GOLT1B: variants seen among roughly 807,000 people sequenced by gnomAD.
GOLT1B encodes the protein vesicle transport protein GOT1B.
In GOLT1B, 3 loss-of-function variants were observed where a neutral mutation model predicts 15.4. The ratio of observed to expected loss-of-function variants is 0.19; its 90% CI spans 0.09 to 0.50. The LOEUF is 0.50. Among genes scored for constraint, GOLT1B ranks in the 20% least tolerant of loss-of-function variants. The probability of loss-of-function intolerance (pLI) is 0.97; values close to 1 mark genes in which losing one functional copy is unlikely to be tolerated. For synonymous variants in GOLT1B, 65 were observed against 56.2 expected (o/e 1.16, Z -0.70); for missense variants, 145 against 160.4 (o/e 0.90, Z 0.52).
intron 3 of GOLT1B, among the ~76,000 whole-genome samples, chr12:21,510,741 C>A (rs1943713564): frequency 6.6e-6 from 1 of 152,312 alleles, no homozygotes; most frequent in Middle Eastern, 3.4e-3. Flanking sequence ...CACGCACATA[C>A]ACCATCAACA....
intron 1 of GOLT1B, among the ~76,000 whole-genome samples, chr12:21,503,563 G>A (rs1319507674): frequency 1.3e-5 from 2 of 152,198 alleles, no homozygotes; most frequent in Admixed American, 1.3e-4. Flanking sequence ...CATTCTCCCT[G>A]AGAAGCATTC....
intron 4 of GOLT1B, among the ~76,000 whole-genome samples, chr12:21,513,600 A>G (rs1943735636): frequency 6.6e-6 from 1 of 151,820 alleles, no homozygotes; most frequent in African/African-American, 2.4e-5. Context: ...GGTGTGAGCC[A>G]CCACACCCAG....
chr12:21,514,053 G>C (rs1943739157), intron 4 of GOLT1B, among the ~76,000 whole-genome samples: 1 of 152,158 alleles, frequency 6.6e-6, no homozygotes, highest in African/African-American at 2.4e-5. Flanking sequence ...TACCTCCTCA[G>C]TTTCAAAACT....
chr12:21,502,037 A>C (rs1459254026), intron 1 of GOLT1B, 89 bp downstream of exon 1: 1 of 939,900 alleles, frequency 1.1e-6, no homozygotes, highest in East Asian at 2.4e-5. Context: ...CAATGAATGA[A>C]GCTCTGGGTT....
At chr12:21,505,273 G>A (rs1259126641) in intron 1 of GOLT1B, among the ~76,000 whole-genome samples, 2 of 152,116 alleles carry the variant, frequency 1.3e-5, no homozygotes. Context: ...AAGGTTATTT[G>A]TGAAATGATA....
In GOLT1B at chr12:21,512,361, A is replaced by C; in HGVS notation, c.363A>C (p.Leu121Phe). The C allele has an allele frequency of 6.7e-7, 1 of 1,492,482 alleles. No individual in the cohort carries two copies. The highest frequency in any genetic ancestry group is 9.3e-7 in the Non-Finnish European group (1 of 1,069,760). The allele number at this position is 1,492,482 out of a possible 1,614,324, so 92.5% of individuals were successfully genotyped here. A position where few individuals can be genotyped will look rare whatever the true frequency, so the allele number is the denominator to read the frequency against. ...CAGTCCTTGGATCCCTCCTAAATTT[A>C]CCTGGAATTAGATCAGTAAGTAATC... The part of the protein sequence containing the change: ...RVPVLGSLLN[L>F]PGIRSFVDKV... The change falls in exon 4 of 5, where the codon TTA becomes TTC. Residue 121 changes from leucine to phenylalanine, a missense_variant. Coordinates refer to ENST00000229314, the MANE Select transcript of GOLT1B (RefSeq NM_016072.5).
chr12:21,518,244 T>C lies in GOLT1B; in HGVS notation c.*2537T>C, dbSNP rs1943770014. On this transcript the variant is annotated 3_prime_UTR_variant, in exon 5 of 5. Coordinates refer to ENST00000229314, the MANE Select transcript of GOLT1B (RefSeq NM_016072.5). ...AACCTCATTTTTAAAAAATTAGCCTTATATGCAGTGTTCTATTTATCAAAT... is the reference window on the plus strand; with the variant it reads ...AACCTCATTTTTAAAAAATTAGCCTCATATGCAGTGTTCTATTTATCAAAT... The C allele has an allele frequency of 6.6e-6, 1 of 152,142 alleles. No homozygotes were observed. Among genetic ancestry groups the C allele is most frequent in the African/African-American group, 2.4e-5 (1 of 41,456 alleles). 9.4% of individuals were successfully genotyped at this position (152,142 alleles called of 1,614,324 possible). A position where few individuals can be genotyped will look rare whatever the true frequency, so the allele number is the denominator to read the frequency against.
At chr12:21,508,875 C>CA (rs1555149880) in intron 3 of GOLT1B, among the ~76,000 whole-genome samples, 2 of 136,104 alleles carry the variant, frequency 1.5e-5, no homozygotes, top group African/African-American at 5.3e-5. Context: ...ATCGATCAAT[C>CA]GGTAGGTAGG....
Position 21,518,009 on chromosome 12 carries a change from T to A in GOLT1B, c.*2302T>A, listed in dbSNP as rs1354698488. 6.6e-6 allele frequency: 1 copy of A among 152,566 alleles called. No homozygotes were observed. Among genetic ancestry groups the A allele is most frequent in the East Asian group, 1.9e-4 (1 of 5,200 alleles). 9.5% of individuals were successfully genotyped at this position (152,566 alleles called of 1,614,324 possible). On this transcript the variant is annotated 3_prime_UTR_variant, in exon 5 of 5. Transcript: ENST00000229314. ...AAGTGTATTTTCTGTAACAGAAACATATTTGGAATGTTTTTCTTTTCCCCT... is the reference window on the plus strand; with the variant it reads ...AAGTGTATTTTCTGTAACAGAAACAAATTTGGAATGTTTTTCTTTTCCCCT...
intron 4 of GOLT1B, among the ~76,000 whole-genome samples, chr12:21,512,982 G>C (rs1380456461): frequency 6.6e-6 from 1 of 150,800 alleles, no homozygotes; most frequent in Non-Finnish European, 1.5e-5. Context: ...GAGAGGATTG[G>C]CTTGGGCCTA....
At chr12:21,512,842 A>AT (rs1321314604) in intron 4 of GOLT1B, among the ~76,000 whole-genome samples, 1 of 152,100 alleles carries the variant, frequency 6.6e-6, no homozygotes, top group African/African-American at 2.4e-5. Flanking sequence ...AGGTGGGTGA[A>AT]TTGCTTGAGC....
In GOLT1B at chr12:21,516,331, G is replaced by T. The variant is rs1943755562; in HGVS notation, c.*624G>T. 1 of 152,040 alleles carries T rather than the reference G, an allele frequency of 6.6e-6. No homozygotes were observed. Among genetic ancestry groups the T allele is most frequent in the African/African-American group, 2.4e-5 (1 of 41,394 alleles). 9.4% of individuals were successfully genotyped at this position (152,040 alleles called of 1,614,324 possible). The stretch of plus-strand genomic sequence containing the variant: ...GATATTCTTTGTTGGAATATGCAAA[G>T]GTCATTCTTTACTAACTTTTAGTTA... On this transcript the variant is annotated 3_prime_UTR_variant, in exon 5 of 5. Coordinates refer to ENST00000229314, the MANE Select transcript of GOLT1B (RefSeq NM_016072.5).
intron 3 of GOLT1B, among the ~76,000 whole-genome samples, chr12:21,511,670 A>G (rs1268727611): frequency 6.6e-6 from 1 of 152,220 alleles, no homozygotes; most frequent in Non-Finnish European, 1.5e-5. Context: ...TAGGAGTTGT[A>G]AGCCAGAAAA....
intron 1 of GOLT1B, among the ~76,000 whole-genome samples, chr12:21,505,033 AGAAGTGTGGCTTTAGGCAACTT>A (rs1161621457): frequency 6.6e-6 from 1 of 152,232 alleles, no homozygotes; most frequent in African/African-American, 2.4e-5. Flanking sequence ...ATGCTTATCT[AGAAGTGTGGCTTTAGGCAACTT>A]AAGTCAACTC....
At chr12:21,513,651 G>T (rs1423295831) in intron 4 of GOLT1B, among the ~76,000 whole-genome samples, 13 of 151,922 alleles carry the variant, frequency 8.6e-5, no homozygotes, top group African/African-American at 3.1e-4. Context: ...AAGGCTTCAG[G>T]CCATGCATGG....
At position 21,506,925 on chromosome 12, in the gene GOLT1B, GT is replaced by G; in HGVS notation, c.68del (p.Phe23SerfsTer4). On this transcript the variant is annotated frameshift_variant, in exon 2 of 5. Transcript: ENST00000229314. LOFTEE classifies it high-confidence loss of function. ...TAACAGGATTTGGAGTGTTTTTCCT[GT>G]TCTTTGGAATGATTCTCTTTTTTGA... The part of the protein sequence containing the change: ...GLTGFGVFFL[F>X]FGMILFFDKA... The G allele has an allele frequency of 6.6e-7, 1 of 1,518,196 alleles. No homozygotes were observed. 94.0% of individuals were successfully genotyped at this position (1,518,196 alleles called of 1,614,324 possible).
chr12:21,510,849 T>C (rs1039820910), intron 3 of GOLT1B, among the ~76,000 whole-genome samples: 1 of 152,190 alleles, frequency 6.6e-6, no homozygotes, highest in Admixed American at 6.5e-5. Flanking sequence ...ACTTCTGAAT[T>C]GTATTCATTG....
chr12:21,506,086 A>G (rs1943676658), intron 1 of GOLT1B, among the ~76,000 whole-genome samples: 1 of 152,100 alleles, frequency 6.6e-6, no homozygotes, highest in South Asian at 2.1e-4. Context: ...AGTTCCTTGC[A>G]TCTGGCAGTT....
Position 21,508,407 on chromosome 12 carries a change from T to G in GOLT1B, c.142T>G (p.Phe48Val). ...GNVLFVAGLA[F>V]VIGLERTFRF... is the part of the protein sequence containing the mutation. ...GGTTTTATTTGTAGCCGGCTTGGCT[T>G]TTGTAATTGGTTTAGAAAGAACATT... is the stretch of plus-strand genomic sequence containing the variant. The change falls in exon 3 of 5, where the codon TTT becomes GTT. Residue 48 changes from phenylalanine to valine, a missense_variant. Phe to Val is a conservative substitution (Grantham distance 50, BLOSUM62 -1). Transcript: ENST00000229314. 1.3e-6 allele frequency: 2 copies of G among 1,578,542 alleles called. No individual in the cohort carries two copies. The highest frequency in any genetic ancestry group is 1.7e-6 in the Non-Finnish European group (2 of 1,163,614).
Sources: allele counts gnomAD v4.1 joint callset (sites outside exome capture counted in the v4.1 genomes callset), GRCh38; gene constraint gnomAD v4.1.1; transcripts MANE v1.5; gene names NCBI Gene and HGNC (gene_info 2026-07-23, HGNC 2026-07-21).